Variants in TBX18 observed in about 807,000 individuals in gnomAD.
TBX18 encodes T-box transcription factor 18, also known as T-box transcription factor TBX18.
In TBX18, 21 loss-of-function variants were observed where a neutral mutation model predicts 55.0. That is an observed-to-expected ratio of 0.38 (90% confidence interval 0.27 to 0.55). The LOEUF (loss-of-function observed/expected upper bound fraction) is 0.55, where lower values mean the gene tolerates loss of function less well. Ranked by LOEUF, TBX18 falls within the 20% of genes least tolerant of loss-of-function variation. The probability of loss-of-function intolerance (pLI) is 0.73; values close to 1 mark genes in which losing one functional copy is unlikely to be tolerated. For missense variants in TBX18, 840 were observed against 799.6 expected (o/e 1.05, Z -0.61); for synonymous variants, 342 against 326.1 (o/e 1.05, Z -0.53).
intron 5 of TBX18, among the ~76,000 whole-genome samples, chr6:84,745,413 A>G (rs1284702555): frequency 6.6e-6 from 1 of 152,138 alleles, no homozygotes; most frequent in Non-Finnish European, 1.5e-5. Context: ...TAATGAACAT[A>G]CTTCTAATTA....
At chr6:84,759,841 A>G (rs1358841546) in intron 3 of TBX18, among the ~76,000 whole-genome samples, 4 of 152,096 alleles carry the variant, frequency 2.6e-5, no homozygotes, top group African/African-American at 7.2e-5. Context: ...TGTATGTAAC[A>G]AGATAAAGGA....
At chr6:84,748,234 C>G (rs1433847002) in intron 4 of TBX18, 147 bp from the exon 5 acceptor site, 3 of 541,828 alleles carry the variant, frequency 5.5e-6, no homozygotes, top group Non-Finnish European at 9.0e-6. Context: ...AATATCAGAA[C>G]TGGAGAAGGA....
rs951147314 is a variant in TBX18, at chr6:84,764,408, T to G, written c.-227A>C. On this transcript the variant is annotated 5_prime_UTR_variant, in exon 1 of 8. Transcript: ENST00000369663. ...CCAAGTCTCCTTTCCTGGGTCTCTC[T>G]CGCGCGCTCTCTCACTGATGCACTC... is the stretch of plus-strand genomic sequence containing the variant. 11 of 563,986 alleles carry G rather than the reference T, an allele frequency of 2.0e-5. No homozygotes were observed. Among genetic ancestry groups the G allele is most frequent in the African/African-American group, 8.0e-5 (4 of 50,216 alleles). The allele number at this position is 563,986 out of a possible 1,614,324, so 34.9% of individuals were successfully genotyped here.
chr6:84,739,976 A>G (rs1377847299), intron 6 of TBX18, among the ~76,000 whole-genome samples: 6 of 152,180 alleles, frequency 3.9e-5, no homozygotes, highest in Admixed American at 2.6e-4. Flanking sequence ...TGATGTAGCT[A>G]TGCATGTGTG....
chr6:84,753,715 T>C (rs2127878327), intron 4 of TBX18, among the ~76,000 whole-genome samples: 1 of 152,244 alleles, frequency 6.6e-6, no homozygotes, highest in South Asian at 2.1e-4. Context: ...AGAAACAAAT[T>C]CCTAATATTT....
intron 4 of TBX18, among the ~76,000 whole-genome samples, chr6:84,750,630 T>G (rs769155984): frequency 1.2e-4 from 19 of 152,190 alleles, no homozygotes; most frequent in Admixed American, 2.6e-4. Flanking sequence ...ACCTGGAAGC[T>G]GGGTCCCTTG....
At chr6:84,752,530 CTT>C (rs1469102398) in intron 4 of TBX18, among the ~76,000 whole-genome samples, 2 of 152,316 alleles carry the variant, frequency 1.3e-5, no homozygotes, top group East Asian at 1.9e-4. Context: ...ATAATGGACT[CTT>C]TACAAATACG....
At chr6:84,756,626 T>C in intron 4 of TBX18, 72 bp downstream of exon 4, 1 of 1,406,878 alleles carries the variant, frequency 7.1e-7, no homozygotes, top group Non-Finnish European at 9.9e-7. Context: ...GAAGCATTCA[T>C]TTCCTTTAGT....
chr6:84,744,210 A>G, intron 6 of TBX18, 51 bp downstream of exon 6: 1 of 1,460,842 alleles, frequency 6.8e-7, no homozygotes, highest in Non-Finnish European at 9.3e-7. Flanking sequence ...AATTCATAAT[A>G]AAATATCAAA....
intron 4 of TBX18, among the ~76,000 whole-genome samples, chr6:84,753,690 A>G (rs966498040): frequency 5.3e-5 from 8 of 152,330 alleles, no homozygotes; most frequent in African/African-American, 1.9e-4. Flanking sequence ...CCTGAACACA[A>G]TCAACAATAA....
Position 84,763,965 on chromosome 6 carries a change from C to A in TBX18, c.217G>T (p.Ala73Ser). The A allele has an allele frequency of 6.3e-7, 1 of 1,580,164 alleles. No individual in the cohort carries two copies. ...GCCCCAGCCGGCGGCGGGAGCGCAG[C>A]GCCTTCGTCTCCCTCAGAAGAACCC... ...EKGSSEGDEGAALPPPAGATS... is the reference protein window; with the variant it reads ...EKGSSEGDEGSALPPPAGATS... Residue 73 changes from alanine (A) to serine (S), a missense_variant, in exon 1 of 8, where the codon GCT becomes TCT. Physicochemically the swap from Ala to Ser is moderately conservative, Grantham distance 99 (BLOSUM62 1). Transcript: ENST00000369663.
At position 84,764,186 on chromosome 6, in the gene TBX18, C is replaced by G; in HGVS notation, c.-5G>C. The G allele has an allele frequency of 6.9e-7, 1 of 1,446,564 alleles. No homozygotes were observed. Among genetic ancestry groups the G allele is most frequent in the Non-Finnish European group, 9.0e-7 (1 of 1,108,046 alleles). 89.6% of individuals were successfully genotyped at this position (1,446,564 alleles called of 1,614,324 possible). A position where few individuals can be genotyped will look rare whatever the true frequency, so the allele number is the denominator to read the frequency against. ...GCCCCTTCGCTTCTCGGCCATCCCC[C>G]CCGCCCCGCGCCCGCCCGCCCCTCT... On this transcript the variant is annotated 5_prime_UTR_variant, in exon 1 of 8. Transcript: ENST00000369663.
intron 4 of TBX18, among the ~76,000 whole-genome samples, chr6:84,748,880 A>G (rs1767268054): frequency 6.6e-6 from 1 of 152,244 alleles, no homozygotes; most frequent in Non-Finnish European, 1.5e-5. Context: ...TACATATCCA[A>G]CATGAGTAAA....
rs1773900533 is a variant in TBX18 at position 84,734,987 on chromosome 6, CAG to C, written c.*1696_*1697del. ...AAGGAAATTTGTTAATATGTATAAA[CAG>C]AGTCACATCCTGTGCAAATTCAACA... On this transcript the variant is annotated 3_prime_UTR_variant, in exon 8 of 8. Transcript: ENST00000369663. 1 of 152,130 alleles carries C rather than the reference CAG, an allele frequency of 6.6e-6. No individual in the cohort carries two copies. The highest frequency in any genetic ancestry group is 1.5e-5 in the Non-Finnish European group (1 of 68,010). The allele number at this position is 152,130 out of a possible 1,614,324, so 9.4% of individuals were successfully genotyped here.
intron 6 of TBX18, among the ~76,000 whole-genome samples, 174 bp from the exon 7 acceptor site, chr6:84,738,765 C>A (rs1439609138): frequency 1.3e-5 from 2 of 152,160 alleles, no homozygotes; most frequent in Non-Finnish European, 2.9e-5. Context: ...GGGCTAACAT[C>A]CTGTTACCAG....
chr6:84,740,948 A>G (rs1371038279), intron 6 of TBX18: 1 of 152,218 alleles, frequency 6.6e-6, no homozygotes, highest in Non-Finnish European at 1.5e-5. Context: ...AAATCCATAA[A>G]CTAAATTCTT....
intron 1 of TBX18, chr6:84,763,280 A>G (rs1450565900): frequency 9.5e-6 from 4 of 421,238 alleles, no homozygotes; most frequent in Admixed American, 2.6e-5. Flanking sequence ...ATCTTCTAGA[A>G]GGCTCTTCAG....
chr6:84,763,668 C>T (rs868608383), intron 1 of TBX18, among the ~76,000 whole-genome samples: 2 of 152,110 alleles, frequency 1.3e-5, no homozygotes, highest in Non-Finnish European at 2.9e-5. Context: ...CGCGGGTCGC[C>T]GAGTGGGCGG....
At chr6:84,753,789 T>C (rs754314703) in intron 4 of TBX18, among the ~76,000 whole-genome samples, 49 of 152,330 alleles carry the variant, frequency 3.2e-4, no homozygotes, top group Admixed American at 1.0e-3. Context: ...CATAAAGCCT[T>C]TCCCATCTTT....
Sources: allele counts gnomAD v4.1 joint callset (sites outside exome capture counted in the v4.1 genomes callset), GRCh38; gene constraint gnomAD v4.1.1; transcripts MANE v1.5; gene names NCBI Gene and HGNC (gene_info 2026-07-23, HGNC 2026-07-21).